The following FBN2 variants were observed in gnomAD, a reference collection of about 807,000 sequenced individuals.
The protein encoded by FBN2 is fibrillin 2.
Under a neutral mutation model 355.6 loss-of-function variants are expected in FBN2, and 105 were observed. The observed-to-expected ratio is 0.30, with a 90% CI of 0.25 to 0.35. The LOEUF (loss-of-function observed/expected upper bound fraction) is 0.35. Among genes scored for constraint, FBN2 ranks in the 10% least tolerant of loss-of-function variants. The pLI, the probability that FBN2 is intolerant of heterozygous loss-of-function variation, is 1.00. For synonymous variants in FBN2, 1,350 were observed against 1,301.2 expected (o/e 1.04, Z -0.81); for missense variants, 3,280 against 3,758.7 (o/e 0.87, Z 3.33).
chr5:128,407,557 A>G (rs963107700), intron 8 of FBN2, among the ~76,000 whole-genome samples: 3 of 152,138 alleles, frequency 2.0e-5, no homozygotes, highest in Admixed American at 6.5e-5. Context: ...TATTATTTTT[A>G]CTACTACTAC....
intron 7 of FBN2, among the ~76,000 whole-genome samples, chr5:128,430,350 T>G (rs1227433667): frequency 6.6e-6 from 1 of 152,206 alleles, no homozygotes; most frequent in Non-Finnish European, 1.5e-5. Context: ...GTACATTTAT[T>G]GTTCTATTTA....
chr5:128,381,630 T>C (rs1368655168), intron 11 of FBN2, among the ~76,000 whole-genome samples: 1 of 152,158 alleles, frequency 6.6e-6, no homozygotes, highest in Non-Finnish European at 1.5e-5. Context: ...TTTCTGAAAA[T>C]GTGCTCCATT....
At chr5:128,286,577 T>C (rs1302698318) in intron 55 of FBN2, 141 bp downstream of exon 55, 69 of 965,800 alleles carry the variant, frequency 7.1e-5, no homozygotes, top group Middle Eastern at 2.8e-4. Context: ...GACCCTGAGA[T>C]GGAAGAAAGC....
chr5:128,267,626 G>A (rs1765150617), intron 62 of FBN2, among the ~76,000 whole-genome samples: 1 of 151,548 alleles, frequency 6.6e-6, no homozygotes, highest in South Asian at 2.1e-4. Flanking sequence ...TTTTTTTTGA[G>A]AAGTGTCTGT....
At chr5:128,310,190 T>C in intron 39 of FBN2, 82 bp from the exon 40 acceptor site, 1 of 1,209,296 alleles carries the variant, frequency 8.3e-7, no homozygotes, top group Non-Finnish European at 1.2e-6. Flanking sequence ...GAACAAAGCA[T>C]AGGTGATTCT....
intron 57 of FBN2, 54 bp downstream of exon 57, chr5:128,278,581 A>C: frequency 6.6e-7 from 1 of 1,516,162 alleles, no homozygotes; most frequent in Non-Finnish European, 9.2e-7. Context: ...CATTTATCTG[A>C]ATTCATAAAA....
chr5:128,267,993 A>C (rs1765160569), intron 62 of FBN2, among the ~76,000 whole-genome samples: 1 of 152,204 alleles, frequency 6.6e-6, no homozygotes, highest in African/African-American at 2.4e-5. Flanking sequence ...AGAGCAAGCT[A>C]ATTCAAAAGC....
At chr5:128,327,347 G>T (rs1041982761) in intron 34 of FBN2, among the ~76,000 whole-genome samples, 1 of 152,066 alleles carries the variant, frequency 6.6e-6, no homozygotes, top group African/African-American at 2.4e-5. Context: ...TCTTTCTTCA[G>T]TGCCACTTCT....
At position 128,364,579 on chromosome 5, in the gene FBN2, TA is replaced by T. The variant is rs1751719448; in HGVS notation, c.2428+20del. The T allele has an allele frequency of 6.2e-7, 1 of 1,610,116 alleles. No individual in the cohort carries two copies. The highest frequency in any genetic ancestry group is 1.3e-5 in the African/African-American group (1 of 74,866). ...TTAAACTATATGAAATGTTCTTGCATAAATATAACAAATAACTTACCAATAC... is the reference window on the plus strand; with the variant it reads ...TTAAACTATATGAAATGTTCTTGCATAATATAACAAATAACTTACCAATAC... On this transcript the variant is annotated intron_variant, in intron 18 of 64. Transcript: ENST00000262464.
chr5:128,442,516 C>A (rs866179313), intron 7 of FBN2: 52 of 327,816 alleles, frequency 1.6e-4, no homozygotes, highest in African/African-American at 1.1e-3. Flanking sequence ...GATGTTTGAA[C>A]AGAGGAAGTT....
chr5:128,432,954 A>G (rs1241645208), intron 7 of FBN2, among the ~76,000 whole-genome samples: 1 of 152,092 alleles, frequency 6.6e-6, no homozygotes, highest in Non-Finnish European at 1.5e-5. Flanking sequence ...GAGCAAGAGC[A>G]GGGAAAACTG....
chr5:128,392,271 AT>A, intron 10 of FBN2, 116 bp from the exon 11 acceptor site: 2 of 836,164 alleles, frequency 2.4e-6, no homozygotes, highest in Non-Finnish European at 3.7e-6. Context: ...AGAAGCTCAT[AT>A]TTTATATTTT....
rs766744471 is a variant in FBN2, at chr5:128,377,856, T to C, written c.1745A>G (p.Asn582Ser). 3.7e-6 allele frequency: 6 copies of C among 1,613,472 alleles called. No homozygotes were observed. The South Asian group carries it at 6.6e-5, about 18-fold the overall frequency. ...ACIDIDECIQ[N>S]GVLCKNGRCV... Reference sequence around the variant, plus strand: ...TCGACCGTTTTTACAAAGAACCCCATTCTGGATGCACTCATCAATATCTAG... The same window carrying C: ...TCGACCGTTTTTACAAAGAACCCCACTCTGGATGCACTCATCAATATCTAG... Residue 582 changes from asparagine to serine, a missense_variant, in exon 13 of 65, where the codon AAT becomes AGT. Around this residue, in one of 6 missense-constraint regions of FBN2, gnomAD observed 2,284 missense variants for 2,749.5 expected, o/e 0.83. Coordinates refer to ENST00000262464, the MANE Select transcript of FBN2 (RefSeq NM_001999.4).
At chr5:128,311,569 T>C in intron 38 of FBN2, 144 bp from the exon 39 acceptor site, 2 of 849,922 alleles carry the variant, frequency 2.4e-6, no homozygotes, top group Non-Finnish European at 3.8e-6. Flanking sequence ...AAGTTTATTC[T>C]GCTCAAATAT....
rs1285831617 is a variant in FBN2, at chr5:128,377,808, A to C, written c.1793T>G (p.Phe598Cys). 6.2e-7 allele frequency: 1 copy of C among 1,613,636 alleles called. No homozygotes were observed. Among genetic ancestry groups the C allele is most frequent in the South Asian group, 1.1e-5 (1 of 91,080 alleles). ...NGRCVNTDGSFQCICNAGFEL... is the reference protein window; with the variant it reads ...NGRCVNTDGSCQCICNAGFEL... Reference sequence around the variant, plus strand: ...AAAGCCGGCATTGCAAATGCACTGGAAACTTCCATCTGTGTTCACGCATCG... The same window carrying C: ...AAAGCCGGCATTGCAAATGCACTGGCAACTTCCATCTGTGTTCACGCATCG... Residue 598 changes from phenylalanine (F) to cysteine (C), a missense_variant, in exon 13 of 65, where the codon TTC becomes TGC. Around this residue, in one of 6 missense-constraint regions of FBN2, gnomAD observed 2,284 missense variants for 2,749.5 expected, o/e 0.83. Coordinates refer to ENST00000262464, the MANE Select transcript of FBN2 (RefSeq NM_001999.4).
At chr5:128,374,971 A>G (rs1752045785) in intron 14 of FBN2, among the ~76,000 whole-genome samples, 1 of 152,200 alleles carries the variant, frequency 6.6e-6, no homozygotes, top group South Asian at 2.1e-4. Context: ...AAGCCTCACA[A>G]TCTTCTTTTT....
At chr5:128,349,917 A>G in intron 22 of FBN2, 38 bp downstream of exon 22, 1 of 1,512,012 alleles carries the variant, frequency 6.6e-7, no homozygotes, top group East Asian at 2.3e-5. Flanking sequence ...TTACTGCTCA[A>G]AAGATGTATA....
chr5:128,314,208 A>C (rs534172351), intron 36 of FBN2, among the ~76,000 whole-genome samples: 1 of 152,282 alleles, frequency 6.6e-6, no homozygotes, highest in African/African-American at 2.4e-5. Flanking sequence ...TTTTAAAAAA[A>C]CTTATTTTAC....
At chr5:128,352,945 G>C (rs943703848) in intron 20 of FBN2, among the ~76,000 whole-genome samples, 2 of 152,148 alleles carry the variant, frequency 1.3e-5, no homozygotes, top group African/African-American at 4.8e-5. Flanking sequence ...GGCTGAGGCA[G>C]TCGGATCGCT....
Sources: gnomAD v4.1 joint callset for allele counts (sites outside exome capture counted in the v4.1 genomes callset) on GRCh38, gnomAD v4.1.1 for gene constraint, gnomAD v4.1.1 regional missense constraint, MANE v1.5 for transcripts, NCBI Gene and HGNC (gene_info 2026-07-23, HGNC 2026-07-21) for gene names.